The following MARK3 variants were observed in gnomAD, a reference collection of about 807,000 sequenced individuals.
The protein encoded by MARK3 is microtubule affinity regulating kinase 3, also known as MAP/microtubule affinity-regulating kinase 3.
MARK3 carries 46 observed loss-of-function variants against 90.1 expected under a neutral mutation model. That is an observed-to-expected ratio of 0.51 (90% CI 0.40 to 0.65). The LOEUF is 0.65. MARK3 is among the 30% of genes least tolerant of loss of function. The pLI, the probability that MARK3 is intolerant of heterozygous loss-of-function variation, is 0.00. For missense variants in MARK3, 818 were observed against 947.2 expected, an observed-to-expected ratio of 0.86 and a Z score of 1.79; for synonymous variants, 321 against 332.6, an observed-to-expected ratio of 0.97 and a Z score of 0.38.
chr14:103,409,180 A>G (rs2091477823), intron 2 of MARK3, among the ~76,000 whole-genome samples: 2 of 152,054 alleles, frequency 1.3e-5, no homozygotes, highest in South Asian at 2.1e-4. Flanking sequence ...TAATTTAAAA[A>G]CTTTCTCAGT....
At chr14:103,419,016 C>T (rs1305583639) in intron 2 of MARK3, among the ~76,000 whole-genome samples, 6 of 152,070 alleles carry the variant, frequency 3.9e-5, no homozygotes, top group Non-Finnish European at 8.8e-5. Flanking sequence ...AGGCTGGGCG[C>T]GGTGGCTCAC....
chr14:103,386,378 A>G (rs1228045812), intron 1 of MARK3: 4 of 675,046 alleles, frequency 5.9e-6, no homozygotes, highest in African/African-American at 1.8e-5. Context: ...CGCGCAATGG[A>G]TTGTGCAAAC....
intron 4 of MARK3, among the ~76,000 whole-genome samples, chr14:103,450,879 T>C (rs2093122458): frequency 5.9e-5 from 1 of 17,002 alleles, no homozygotes; most frequent in African/African-American, 1.4e-4. Context: ...TTTTAAAGTG[T>C]GTGTGTGTGT....
chr14:103,448,888 G>T lies in MARK3; in HGVS notation c.298-31G>T, dbSNP rs937880461. On this transcript the variant is annotated intron_variant, in intron 3 of 17. Coordinates refer to ENST00000429436, the MANE Select transcript of MARK3 (RefSeq NM_001128918.3). The stretch of plus-strand genomic sequence containing the variant: ...AATGTTTAATAACTTGTGTTGGGGG[G>T]ATTATGTGTTTTGTTTGTTTTTTTT... 2.6e-6 allele frequency: 4 copies of T among 1,535,484 alleles called. No homozygotes were observed. In the African/African-American group the frequency reaches 4.2e-5, roughly 16 times the overall value.
chr14:103,386,745 C>T (rs2140409598), intron 1 of MARK3, among the ~76,000 whole-genome samples: 1 of 152,328 alleles, frequency 6.6e-6, no homozygotes, highest in East Asian at 1.9e-4. Flanking sequence ...CACTCACTGC[C>T]TAGCTGAGGG....
chr14:103,490,554 T>C (rs2093999705), intron 14 of MARK3: 1 of 152,094 alleles, frequency 6.6e-6, no homozygotes, highest in Non-Finnish European at 1.5e-5. Flanking sequence ...ATAAAATATG[T>C]CAGTGTGTTT....
intron 13 of MARK3, among the ~76,000 whole-genome samples, chr14:103,479,628 C>CTTTT (rs34768749): frequency 0.23 from 17,824 of 78,100 alleles, 3,145 homozygotes; most frequent in Middle Eastern, 0.27. Context: ...ATACGTATAG[C>CTTTT]TTTTTTTTTT....
At chr14:103,485,952 T>G (rs1304439667) in intron 14 of MARK3, among the ~76,000 whole-genome samples, 1 of 152,168 alleles carries the variant, frequency 6.6e-6, no homozygotes, top group Non-Finnish European at 1.5e-5. Flanking sequence ...ACTCTCTTCA[T>G]GCAACTTGAA....
intron 5 of MARK3, among the ~76,000 whole-genome samples, chr14:103,453,874 G>A (rs2093213600): frequency 6.6e-6 from 1 of 152,232 alleles, no homozygotes; most frequent in African/African-American, 2.4e-5. Context: ...AGGCTGGGAA[G>A]TCTCACTGTG....
rs776376942 is a variant in MARK3 at position 103,385,997 on chromosome 14, C to T, written c.-33C>T. 89 of 1,591,140 alleles carry T rather than the reference C, an allele frequency of 5.6e-5. No individual in the cohort carries two copies. In the Middle Eastern group the frequency reaches 9.9e-4, roughly 18 times the overall value. On this transcript the variant is annotated 5_prime_UTR_variant, in exon 1 of 18. Coordinates refer to ENST00000429436, the MANE Select transcript of MARK3 (RefSeq NM_001128918.3). Reference sequence around the variant, plus strand: ...CTAGGGCTGTGCTGTTTTGTTTTGACCCTCGCATTGTGCAGAATTAAAGTG... The same window carrying T: ...CTAGGGCTGTGCTGTTTTGTTTTGATCCTCGCATTGTGCAGAATTAAAGTG...
intron 2 of MARK3, among the ~76,000 whole-genome samples, chr14:103,423,584 C>T (rs1036679013): frequency 5.3e-5 from 8 of 152,152 alleles, no homozygotes; most frequent in Admixed American, 1.3e-4. Context: ...GCACTGCAAT[C>T]GGGGATACCC....
At chr14:103,406,299 T>C (rs959214512) in intron 2 of MARK3, among the ~76,000 whole-genome samples, 5 of 151,954 alleles carry the variant, frequency 3.3e-5, no homozygotes, top group African/African-American at 1.2e-4. Flanking sequence ...GTCTCGGCTC[T>C]CTGCAACCTC....
At chr14:103,462,803 C>G (rs2093426987) in intron 7 of MARK3, among the ~76,000 whole-genome samples, 1 of 152,162 alleles carries the variant, frequency 6.6e-6, no homozygotes, top group African/African-American at 2.4e-5. Flanking sequence ...TCAGTATTCT[C>G]TCCCGTTAAC....
At chr14:103,494,236 CAAA>C (rs71126032) in intron 15 of MARK3, among the ~76,000 whole-genome samples, 4 of 79,858 alleles carry the variant, frequency 5.0e-5, no homozygotes, top group Admixed American at 1.5e-4. Context: ...GACTCCATCT[CAAA>C]AAAAAAAAAA....
intron 14 of MARK3, among the ~76,000 whole-genome samples, chr14:103,481,477 C>T (rs1301673326): frequency 6.6e-6 from 1 of 152,192 alleles, no homozygotes; most frequent in Non-Finnish European, 1.5e-5. Flanking sequence ...ATCAAAAATT[C>T]TCTCCTCCTT....
chr14:103,461,566 C>T (rs1330641429), intron 6 of MARK3, among the ~76,000 whole-genome samples: 2 of 152,092 alleles, frequency 1.3e-5, no homozygotes, highest in Non-Finnish European at 2.9e-5. Flanking sequence ...GGAAACTGAC[C>T]CTCAGAGAAG....
intron 6 of MARK3, chr14:103,458,632 A>G: frequency 1.8e-6 from 1 of 559,060 alleles, no homozygotes; most frequent in Non-Finnish European, 3.2e-6. Flanking sequence ...CACTGCTTTT[A>G]AATTAATTCT....
chr14:103,453,151 C>A (rs973152210), intron 5 of MARK3, among the ~76,000 whole-genome samples: 1 of 152,042 alleles, frequency 6.6e-6, no homozygotes, highest in Non-Finnish European at 1.5e-5. Flanking sequence ...TTCTGAAATG[C>A]GTGTTTATAG....
chr14:103,453,038 A>G (rs2093191561), intron 5 of MARK3, among the ~76,000 whole-genome samples: 1 of 152,186 alleles, frequency 6.6e-6, no homozygotes, highest in South Asian at 2.1e-4. Flanking sequence ...GTCTTCCCCA[A>G]GGCCAGAAAT....
Sources: allele counts gnomAD v4.1 joint callset (sites outside exome capture counted in the v4.1 genomes callset), GRCh38; gene constraint gnomAD v4.1.1; transcripts MANE v1.5; gene names NCBI Gene and HGNC (gene_info 2026-07-23, HGNC 2026-07-21).